The following GOLM1 variants were observed in gnomAD, a reference collection of about 807,000 sequenced individuals.
GOLM1 encodes epididymis luminal protein 46.
In GOLM1, 31 loss-of-function variants were observed where a neutral mutation model predicts 50.5. That is an observed-to-expected ratio of 0.61 (90% CI 0.46 to 0.83). GOLM1 has a LOEUF of 0.83. GOLM1 is among the 40% of genes least tolerant of loss of function. The probability of loss-of-function intolerance (pLI) is 0.00; values close to 1 mark genes in which losing one functional copy is unlikely to be tolerated. For synonymous variants in GOLM1, 178 were observed against 192.8 expected (o/e 0.92, Z 0.64); for missense variants, 491 against 501.3 (o/e 0.98, Z 0.20).
chr9:86,043,845 T>C (rs1833442928), intron 5 of GOLM1, among the ~76,000 whole-genome samples: 1 of 152,220 alleles, frequency 6.6e-6, no homozygotes, highest in Admixed American at 6.5e-5. Flanking sequence ...GGATCCTGAC[T>C]GATTGCCAGC....
In GOLM1 at chr9:86,027,429, A is replaced by G; in HGVS notation, c.*388T>C. On this transcript the variant is annotated 3_prime_UTR_variant, in exon 10 of 10. Coordinates refer to ENST00000388712, the MANE Select transcript of GOLM1 (RefSeq NM_016548.4). ...GCACGTGGACAGGACGACGGAACCC[A>G]GAGTTCTCTGTCTCTCCTTCACAGC... 4.9e-6 allele frequency: 5 copies of G among 1,020,454 alleles called. No homozygotes were observed. The highest frequency in any genetic ancestry group is 5.9e-6 in the Non-Finnish European group (5 of 852,806). The allele number at this position is 1,020,454 out of a possible 1,614,324, so 63.2% of individuals were successfully genotyped here. A position where few individuals can be genotyped will look rare whatever the true frequency, so the allele number is the denominator to read the frequency against.
At chr9:86,082,941 C>G (rs1834830255) in intron 1 of GOLM1, among the ~76,000 whole-genome samples, 1 of 152,224 alleles carries the variant, frequency 6.6e-6, no homozygotes, top group African/African-American at 2.4e-5. Context: ...TTCTTAGTAA[C>G]ACATCTTGCC....
intron 3 of GOLM1, among the ~76,000 whole-genome samples, chr9:86,056,367 A>G (rs933387111): frequency 4.6e-5 from 7 of 151,666 alleles, no homozygotes; most frequent in Admixed American, 3.9e-4. Flanking sequence ...ATATAATTTT[A>G]TATTTATAGA....
At chr9:86,081,764 C>G (rs886614247) in intron 1 of GOLM1, among the ~76,000 whole-genome samples, 1 of 151,588 alleles carries the variant, frequency 6.6e-6, no homozygotes, top group Non-Finnish European at 1.5e-5. Context: ...TGGCACATGC[C>G]TGTAGTCCCA....
intron 4 of GOLM1, among the ~76,000 whole-genome samples, chr9:86,049,500 T>C (rs1833666294): frequency 6.6e-6 from 1 of 152,218 alleles, no homozygotes; most frequent in Non-Finnish European, 1.5e-5. Context: ...TTCCTATCCA[T>C]GAGCATGGAA....
chr9:86,035,002 T>C (rs1267186792), intron 8 of GOLM1: 1 of 984,986 alleles, frequency 1.0e-6, no homozygotes, highest in African/African-American at 1.7e-5. Flanking sequence ...TAGGCACTGA[T>C]TGTCTAAATG....
rs1412058022 is a variant in GOLM1 at position 86,027,093 on chromosome 9, G to A, written c.*724C>T. The A allele has an allele frequency of 5.1e-6, 5 of 984,992 alleles. No individual in the cohort carries two copies. The highest frequency in any genetic ancestry group is 6.0e-6 in the Non-Finnish European group (5 of 829,912). 61.0% of individuals were successfully genotyped at this position (984,992 alleles called of 1,614,324 possible). On this transcript the variant is annotated 3_prime_UTR_variant, in exon 10 of 10. Transcript: ENST00000388712. ...TTGGTAATATATATTTAGGGAAGAT[G>A]TTGCTTTGCCCACACACGAAGCAAA...
intron 4 of GOLM1, among the ~76,000 whole-genome samples, chr9:86,047,677 C>A (rs7875917): frequency 0.075 from 11,444 of 152,104 alleles, 1,440 homozygotes; most frequent in African/African-American, 0.26. Flanking sequence ...TGTATATAAA[C>A]GATACTTTAA....
intron 3 of GOLM1, among the ~76,000 whole-genome samples, chr9:86,062,662 G>C (rs1243142742): frequency 6.9e-6 from 1 of 145,452 alleles, no homozygotes; most frequent in African/African-American, 2.5e-5. Context: ...GGGGTGGAGG[G>C]ACAGAAAGGA....
intron 1 of GOLM1, among the ~76,000 whole-genome samples, chr9:86,087,379 T>C (rs1330563794): frequency 1.3e-5 from 2 of 152,258 alleles, no homozygotes; most frequent in Admixed American, 6.5e-5. Context: ...TATACAATCA[T>C]GTTGTCTGCA....
chr9:86,093,149 G>A (rs1835236537), intron 1 of GOLM1, among the ~76,000 whole-genome samples: 1 of 152,148 alleles, frequency 6.6e-6, no homozygotes, highest in Admixed American at 6.5e-5. Context: ...GGGAGGCCAA[G>A]GCAGACGATC....
In GOLM1 at chr9:86,079,221, T is replaced by C. The variant is rs780499995; in HGVS notation, c.100A>G (p.Ile34Val). ...CIIVLGFNYWIASSRSVDLQT... is the reference protein window; with the variant it reads ...CIIVLGFNYWVASSRSVDLQT... ...AGGTCCACGCTCCGGGAGCTCGCAA[T>C]CCAGTAGTTGAAGCCCAAGACGATG... The change falls in exon 2 of 10, where the codon ATT (isoleucine) becomes GTT (valine). Residue 34 changes from isoleucine (I) to valine (V), a missense_variant. Physicochemically the swap from Ile to Val is conservative, Grantham distance 29 (BLOSUM62 3). Transcript: ENST00000388712. The C allele has an allele frequency of 3.7e-6, 6 of 1,605,204 alleles. No individual in the cohort carries two copies. The South Asian group carries it at 6.6e-5, about 18-fold the overall frequency.
At chr9:86,093,927 A>G (rs1835268390) in intron 1 of GOLM1, among the ~76,000 whole-genome samples, 1 of 152,254 alleles carries the variant, frequency 6.6e-6, no homozygotes, top group Admixed American at 6.5e-5. Context: ...TTCTCCAAAC[A>G]GTGGTGGAGC....
intron 1 of GOLM1, among the ~76,000 whole-genome samples, chr9:86,082,771 TAGGGCA>T (rs1404267224): frequency 5.9e-5 from 9 of 152,362 alleles, no homozygotes; most frequent in Non-Finnish European, 1.3e-4. Flanking sequence ...CAATGGGGTT[TAGGGCA>T]AGGCCCGGAT....
chr9:86,066,893 G>A (rs1834323454), intron 3 of GOLM1, among the ~76,000 whole-genome samples: 3 of 151,988 alleles, frequency 2.0e-5, no homozygotes, highest in African/African-American at 4.8e-5. Context: ...TAGCCAAGAG[G>A]GGACCCAGGA....
At chr9:86,066,969 C>T (rs781757406) in intron 3 of GOLM1, among the ~76,000 whole-genome samples, 9 of 152,204 alleles carry the variant, frequency 5.9e-5, no homozygotes, top group East Asian at 3.9e-4. Context: ...GATGGAGTCT[C>T]GCTGTCACCC....
intron 3 of GOLM1, among the ~76,000 whole-genome samples, chr9:86,062,016 C>A (rs1336564629): frequency 1.3e-5 from 2 of 151,768 alleles, no homozygotes; most frequent in Admixed American, 6.6e-5. Flanking sequence ...GTGTAACTTT[C>A]TACAAAGCTT....
In GOLM1 at chr9:86,026,622, T is replaced by C. The variant is rs910564086; in HGVS notation, c.*1195A>G. 6.5e-5 allele frequency: 64 copies of C among 983,956 alleles called. No homozygotes were observed. Among genetic ancestry groups the C allele is most frequent in the Middle Eastern group, 1.0e-3 (2 of 1,934 alleles). 61.0% of individuals were successfully genotyped at this position (983,956 alleles called of 1,614,324 possible). A position where few individuals can be genotyped will look rare whatever the true frequency, so the allele number is the denominator to read the frequency against. On this transcript the variant is annotated 3_prime_UTR_variant, in exon 10 of 10. Transcript: ENST00000388712. The stretch of plus-strand genomic sequence containing the variant: ...CTCCTACTTACCCCTTAGAGAGCCT[T>C]ACTGGGAAGTCAGTCATTAATGATG...
intron 3 of GOLM1, among the ~76,000 whole-genome samples, chr9:86,064,372 C>CT (rs1436459719): frequency 6.6e-6 from 1 of 152,232 alleles, no homozygotes; most frequent in Non-Finnish European, 1.5e-5. Context: ...TCAATTCACA[C>CT]TTTCCCGCAC....
Sources: gnomAD v4.1 joint callset for allele counts (sites outside exome capture counted in the v4.1 genomes callset) on GRCh38, gnomAD v4.1.1 for gene constraint, MANE v1.5 for transcripts, NCBI Gene and HGNC (gene_info 2026-07-23, HGNC 2026-07-21) for gene names.